The following DYNC2I2 variants were observed in gnomAD, a reference collection of about 807,000 sequenced individuals.
DYNC2I2 encodes the protein cytoplasmic dynein 2 intermediate chain 2.
Under a neutral mutation model 52.0 loss-of-function variants are expected in DYNC2I2, and 39 were observed. The ratio of observed to expected loss-of-function variants is 0.75; its 90% CI spans 0.58 to 0.98. The LOEUF is 0.98. Among genes scored for constraint, DYNC2I2 ranks in the 50% least tolerant of loss-of-function variants. The probability of loss-of-function intolerance (pLI) is 0.00; values close to 1 mark genes in which losing one functional copy is unlikely to be tolerated. For synonymous variants in DYNC2I2, 359 were observed against 321.1 expected, an observed-to-expected ratio of 1.12 and a Z score of -1.26; for missense variants, 743 against 728.4, an observed-to-expected ratio of 1.02 and a Z score of -0.23.
chr9:128,647,741 A>AG, intron 1 of DYNC2I2, among the ~76,000 whole-genome samples: 1 of 151,642 alleles, frequency 6.6e-6, no homozygotes, highest in East Asian at 1.9e-4. Flanking sequence ...CAAAAAAAAA[A>AG]AAAAAAAAAA....
intron 1 of DYNC2I2, among the ~76,000 whole-genome samples, chr9:128,643,341 A>G (rs1860553167): frequency 6.6e-6 from 1 of 152,116 alleles, no homozygotes; most frequent in African/African-American, 2.4e-5. Flanking sequence ...CCTGGCCAAG[A>G]TGGTGAAACC....
At chr9:128,638,088 T>C (rs981055501) in intron 2 of DYNC2I2, among the ~76,000 whole-genome samples, 2 of 151,372 alleles carry the variant, frequency 1.3e-5, no homozygotes, top group African/African-American at 4.9e-5. Context: ...AATACAAAAA[T>C]TAGCTGGGCA....
chr9:128,647,731 C>CA (rs35883171), intron 1 of DYNC2I2, among the ~76,000 whole-genome samples: 1,051 of 73,918 alleles, frequency 0.014, 17 homozygotes, highest in Middle Eastern at 0.028. Flanking sequence ...GACTCCATCT[C>CA]AAAAAAAAAA....
At chr9:128,641,000 C>A in intron 1 of DYNC2I2, 61 bp from the exon 2 acceptor site, 3 of 1,509,486 alleles carry the variant, frequency 2.0e-6, no homozygotes, top group East Asian at 4.6e-5. Flanking sequence ...CCCCACCCAG[C>A]CCCCTGCCTG....
rs201297850 is a variant in DYNC2I2, at chr9:128,648,811, AAAG to A, written c.186+7727_186+7729del. 3.4e-4 allele frequency among the ~76,000 whole-genome samples: 50 copies of A among 148,946 alleles called. No individual in the cohort carries two copies. In the East Asian group the frequency reaches 7.9e-3, roughly 24 times the overall value. On this transcript the variant is annotated intron_variant, in intron 1 of 8. Transcript: ENST00000372715. ...GGAGACTCCGTTTCAAAAAAAAAAAAAAGAGAGAGAGAATCTGCTGGGCCAGAA... is the reference window on the plus strand; with the variant it reads ...GGAGACTCCGTTTCAAAAAAAAAAAAAGAGAGAGAATCTGCTGGGCCAGAA...
the DYNC2I2 span, among the ~76,000 whole-genome samples, chr9:128,683,125 G>C: frequency 6.6e-6 from 1 of 151,944 alleles, no homozygotes; most frequent in Non-Finnish European, 1.5e-5. Flanking sequence ...CTCCCAAGTA[G>C]CTGGGATTAC....
In DYNC2I2 at chr9:128,644,207, GCA is replaced by G. The variant is rs1450719483; in HGVS notation, c.187-3270_187-3269del. Among the ~76,000 whole-genome samples the G allele has an allele frequency of 5.3e-5, 8 of 151,376 alleles. No individual in the cohort carries two copies. In the South Asian group the frequency reaches 1.3e-3, roughly 24 times the overall value. Reference sequence around the variant, plus strand: ...TCTTCATATTAATGTTGGCACTGAGGCACAGAGAAACTGAGTAACTCACCCAA... The same window carrying G: ...TCTTCATATTAATGTTGGCACTGAGGCAGAGAAACTGAGTAACTCACCCAA... On this transcript the variant is annotated intron_variant, in intron 1 of 8. Coordinates refer to ENST00000372715, the MANE Select transcript of DYNC2I2 (RefSeq NM_052844.4).
chr9:128,636,143 TG>T, intron 4 of DYNC2I2, 137 bp downstream of exon 4: 1 of 1,327,588 alleles, frequency 7.5e-7, no homozygotes, highest in Non-Finnish European at 1.1e-6. Context: ...GACCTTCACC[TG>T]GGCTCCAGAC....
intron 2 of DYNC2I2, among the ~76,000 whole-genome samples, chr9:128,640,260 T>C (rs562953722): frequency 7.2e-4 from 109 of 152,124 alleles, no homozygotes; most frequent in African/African-American, 2.2e-3. Context: ...TCCGCCCGCC[T>C]CGGCCTCCCA....
the DYNC2I2 span, chr9:128,683,889 T>C: frequency 6.5e-7 from 1 of 1,549,350 alleles, no homozygotes; most frequent in Non-Finnish European, 8.7e-7. Context: ...GGGACTTCCC[T>C]AACAGCATGG....
Position 128,636,401 on chromosome 9 carries a change from C to T in DYNC2I2, c.583G>A (p.Val195Met), listed in dbSNP as rs370632485. Residue 195 changes from valine (V) to methionine (M), a missense_variant, in exon 4 of 9, where the codon GTG becomes ATG. Val to Met is a conservative substitution (Grantham distance 21, BLOSUM62 1). Coordinates refer to ENST00000372715, the MANE Select transcript of DYNC2I2 (RefSeq NM_052844.4). ...CGCCGGTCCAGGTTCCAGGCACACA[C>T]GAAGGACTTAAGCGTGCTCCAGTCC... ...HGDWSTLKSF[V>M]CAWNLDRRDL... is the part of the protein sequence containing the mutation. 134 of 1,610,246 alleles carry T rather than the reference C, an allele frequency of 8.3e-5. No homozygotes were observed. The highest frequency in any genetic ancestry group is 1.2e-4 in the South Asian group (11 of 90,658).
chr9:128,633,977 C>G lies in DYNC2I2; in HGVS notation c.1378G>C (p.Val460Leu). 1 of 1,613,000 alleles carries G rather than the reference C, an allele frequency of 6.2e-7. No homozygotes were observed. Among genetic ancestry groups the G allele is most frequent in the Non-Finnish European group, 8.5e-7 (1 of 1,180,018 alleles). The change falls in exon 9 of 9, where the codon GTG (valine) becomes CTG (leucine). Residue 460 changes from valine (V) to leucine (L), a missense_variant. Val to Leu is a conservative substitution (Grantham distance 32). Coordinates refer to ENST00000372715, the MANE Select transcript of DYNC2I2 (RefSeq NM_052844.4). ...VFAAASGKGD[V>L]QLFDLQKSSQ... ...CTTTTCTGGAGATCAAACAGCTGCA[C>G]GTCACCTGCAAAGAGAGACAGATAC...
At position 128,641,972 on chromosome 9, in the gene DYNC2I2, T is replaced by TACAC. The variant is rs1190277603; in HGVS notation, c.187-1034_187-1033insGTGT. 2.3e-3 allele frequency among the ~76,000 whole-genome samples: 329 copies of TACAC among 141,044 alleles called. 2 individuals are homozygous for TACAC. Among genetic ancestry groups the TACAC allele is most frequent in the African/African-American group, 8.8e-3 (316 of 36,062 alleles). The allele number at this position is 141,044 out of a possible 152,430, so 92.5% of individuals were successfully genotyped here. ...GGCACAAAGCAGATGTTCATTTATA[T>TACAC]ACATACACACACACACACACACACA... On this transcript the variant is annotated intron_variant, in intron 1 of 8. Transcript: ENST00000372715.
intron 4 of DYNC2I2, 39 bp downstream of exon 4, chr9:128,636,242 T>C (rs780224156): frequency 1.9e-6 from 3 of 1,552,416 alleles, no homozygotes; most frequent in Non-Finnish European, 2.6e-6. Flanking sequence ...GGAAGCTGAG[T>C]CCTGAGAGGA....
chr9:128,649,305 G>A (rs139687619), intron 1 of DYNC2I2, among the ~76,000 whole-genome samples: 14 of 152,168 alleles, frequency 9.2e-5, no homozygotes, highest in Admixed American at 1.3e-4. Context: ...TTAGCCAGGC[G>A]CGATGGTGTG....
At chr9:128,645,692 A>T (rs963942388) in intron 1 of DYNC2I2, among the ~76,000 whole-genome samples, 1 of 151,568 alleles carries the variant, frequency 6.6e-6, no homozygotes, top group African/African-American at 2.4e-5. Context: ...TTCAAGGGAA[A>T]GGAAGAGTTG....
At chr9:128,682,278 G>A in the DYNC2I2 span, among the ~76,000 whole-genome samples, 2 of 151,890 alleles carry the variant, frequency 1.3e-5, no homozygotes, top group Non-Finnish European at 2.9e-5. Context: ...TCGATCTCCT[G>A]ACCTCGTGAT....
intron 2 of DYNC2I2, 74 bp from the exon 3 acceptor site, chr9:128,637,101 T>A: frequency 9.4e-7 from 1 of 1,064,818 alleles, no homozygotes; most frequent in Non-Finnish European, 1.4e-6. Context: ...AAACCCCACC[T>A]AGGCCAGGCC....
At chr9:128,641,573 T>C (rs1245164658) in intron 1 of DYNC2I2, among the ~76,000 whole-genome samples, 2 of 152,124 alleles carry the variant, frequency 1.3e-5, no homozygotes, top group East Asian at 3.8e-4. Context: ...CCAGCCTCCC[T>C]TTCTTACAGA....
Sources: allele counts gnomAD v4.1 joint callset (sites outside exome capture counted in the v4.1 genomes callset), GRCh38; gene constraint gnomAD v4.1.1; transcripts MANE v1.5; gene names NCBI Gene and HGNC (gene_info 2026-07-23, HGNC 2026-07-21).